The following SDK1 variants were observed in gnomAD, a reference collection of about 807,000 sequenced individuals.
SDK1 encodes the protein protein sidekick-1.
Under a neutral mutation model 245.5 loss-of-function variants are expected in SDK1, and 157 were observed. That is an observed-to-expected ratio of 0.64 (90% CI 0.56 to 0.73). The LOEUF (loss-of-function observed/expected upper bound fraction) is 0.73. SDK1 is among the 30% of genes least tolerant of loss of function. The pLI, the probability that SDK1 is intolerant of heterozygous loss-of-function variation, is 0.00. For missense variants in SDK1, 3,583 were observed against 3,002.3 expected (o/e 1.19, Z -4.52); for synonymous variants, 1,647 against 1,278.5 (o/e 1.29, Z -6.15).
chr7:3,662,898 T>C (rs895200956), intron 4 of SDK1, among the ~76,000 whole-genome samples: 1 of 152,118 alleles, frequency 6.6e-6, no homozygotes, highest in Non-Finnish European at 1.5e-5. Context: ...ATGCAGATAC[T>C]TGAAATCTGA....
intron 37 of SDK1, among the ~76,000 whole-genome samples, chr7:4,208,862 G>A (rs1041582178): frequency 4.6e-5 from 7 of 152,212 alleles, no homozygotes; most frequent in South Asian, 4.1e-4. Context: ...GTTCTCAGTC[G>A]ACCCCTCTTC....
At chr7:3,318,462 T>C in intron 1 of SDK1, among the ~76,000 whole-genome samples, 1 of 152,222 alleles carries the variant, frequency 6.6e-6, no homozygotes, top group East Asian at 1.9e-4. Context: ...TTTAGCACAG[T>C]GTCTTGCTTA....
intron 4 of SDK1, among the ~76,000 whole-genome samples, chr7:3,744,081 C>T (rs979884262): frequency 1.3e-5 from 2 of 152,116 alleles, no homozygotes; most frequent in African/African-American, 4.8e-5. Flanking sequence ...TCAATAGCCT[C>T]CTAGTTTGTT....
intron 3 of SDK1, among the ~76,000 whole-genome samples, chr7:3,639,495 G>T (rs186354160): frequency 5.9e-5 from 9 of 152,288 alleles, no homozygotes; most frequent in Non-Finnish European, 1.2e-4. Flanking sequence ...GTTCTTTCCA[G>T]TGACGATTTG....
chr7:3,673,613 T>A (rs562011905), intron 4 of SDK1, among the ~76,000 whole-genome samples: 1 of 152,348 alleles, frequency 6.6e-6, no homozygotes, highest in African/African-American at 2.4e-5. Flanking sequence ...TTTATTTCTG[T>A]CTCATGTTGT....
At chr7:3,851,313 A>C (rs920759694) in intron 5 of SDK1, among the ~76,000 whole-genome samples, 1 of 152,222 alleles carries the variant, frequency 6.6e-6, no homozygotes, top group Non-Finnish European at 1.5e-5. Flanking sequence ...ATTTTAATGA[A>C]GGAATTATTC....
rs993793537 is a variant in SDK1, at chr7:3,918,691, C to T, written c.848-32232C>T. On this transcript the variant is annotated intron_variant, in intron 5 of 44. Coordinates refer to ENST00000404826, the MANE Select transcript of SDK1 (RefSeq NM_152744.4). ...GGTAGAAAAACTGTCTTCTGTGAAA[C>T]CAGTCCCTGTGCCAAAAAGGCTGGG... 3.3e-5 allele frequency among the ~76,000 whole-genome samples: 5 copies of T among 152,182 alleles called. No homozygotes were observed. In the South Asian group the frequency reaches 1.0e-3, roughly 32 times the overall value.
intron 1 of SDK1, among the ~76,000 whole-genome samples, chr7:3,452,373 T>C (rs1780541442): frequency 6.6e-6 from 1 of 152,190 alleles, no homozygotes; most frequent in Non-Finnish European, 1.5e-5. Flanking sequence ...TGACAGGTTG[T>C]GAGTGATGTA....
chr7:3,797,579 T>C lies in SDK1; in HGVS notation c.714-23871T>C, dbSNP rs113926513. ...TTTCATACTTAATACCTAAAAAAAA[T>C]CATGGAACCCCATTTACATAGATCT... On this transcript the variant is annotated intron_variant, in intron 4 of 44. Transcript: ENST00000404826. Among the ~76,000 whole-genome samples, 500 of 152,134 alleles carry C rather than the reference T, an allele frequency of 3.3e-3. 3 individuals are homozygous for C. Among genetic ancestry groups the C allele is most frequent in the African/African-American group, 0.012 (488 of 41,512 alleles).
intron 36 of SDK1, 135 bp from the exon 37 acceptor site, chr7:4,207,964 C>A (rs537779576): frequency 1.6e-5 from 11 of 674,326 alleles, no homozygotes; most frequent in Admixed American, 2.6e-5. Context: ...CAGGAGGGAG[C>A]CTTTCCACCT....
intron 1 of SDK1, among the ~76,000 whole-genome samples, chr7:3,576,661 C>T (rs916836613): frequency 5.3e-5 from 8 of 151,962 alleles, no homozygotes; most frequent in Non-Finnish European, 7.4e-5. Flanking sequence ...GCAACGTTAT[C>T]GATACCCATG....
intron 17 of SDK1, among the ~76,000 whole-genome samples, chr7:4,017,904 C>T (rs6957181): frequency 0.061 from 9,254 of 152,238 alleles, 863 homozygotes; most frequent in African/African-American, 0.21. Context: ...CGTCATGAAG[C>T]CAGTGGTTCT....
At chr7:4,202,892 G>T (rs542870739) in intron 35 of SDK1, among the ~76,000 whole-genome samples, 2 of 152,296 alleles carry the variant, frequency 1.3e-5, no homozygotes, top group South Asian at 2.1e-4. Context: ...GGTTCACCTT[G>T]GGTCTGGTGG....
intron 4 of SDK1, among the ~76,000 whole-genome samples, chr7:3,647,470 G>C (rs1271900692): frequency 6.6e-6 from 1 of 152,120 alleles, no homozygotes; most frequent in Non-Finnish European, 1.5e-5. Context: ...TCCCATGCTG[G>C]AGTGAAGTTG....
chr7:3,783,475 A>C (rs1020700827), intron 4 of SDK1, among the ~76,000 whole-genome samples: 2 of 119,684 alleles, frequency 1.7e-5, no homozygotes, highest in African/African-American at 1.0e-4. Context: ...AGACCCCACC[A>C]AAAAAAAAAA....
At chr7:3,779,987 T>C (rs1583406141) in intron 4 of SDK1, among the ~76,000 whole-genome samples, 1 of 145,082 alleles carries the variant, frequency 6.9e-6, no homozygotes, top group African/African-American at 2.6e-5. Flanking sequence ...GTCAGCAAGA[T>C]AGTGGAATCA....
At chr7:3,599,205 C>A (rs117907459) in intron 1 of SDK1, among the ~76,000 whole-genome samples, 1 of 148,264 alleles carries the variant, frequency 6.7e-6, no homozygotes. Flanking sequence ...GTTTAATTTG[C>A]GATTCTCTAA....
chr7:4,057,916 T>G (rs903916521), intron 19 of SDK1, among the ~76,000 whole-genome samples: 5 of 152,174 alleles, frequency 3.3e-5, no homozygotes, highest in Non-Finnish European at 2.9e-5. Context: ...CCCTCCTTTA[T>G]GAAAGCAAAT....
At chr7:3,759,565 T>G (rs772779460) in intron 4 of SDK1, among the ~76,000 whole-genome samples, 7 of 150,528 alleles carry the variant, frequency 4.7e-5, no homozygotes, top group Non-Finnish European at 8.8e-5. Flanking sequence ...TTCTCTGTTT[T>G]TTCTTTTTAA....
Sources: allele counts gnomAD v4.1 joint callset (sites outside exome capture counted in the v4.1 genomes callset), GRCh38; gene constraint gnomAD v4.1.1; transcripts MANE v1.5; gene names NCBI Gene and HGNC (gene_info 2026-07-23, HGNC 2026-07-21).